HERC3: variants seen among roughly 807,000 people sequenced by gnomAD.
The protein encoded by HERC3 is HECT and RLD domain containing E3 ubiquitin protein ligase 3, also known as probable E3 ubiquitin-protein ligase HERC3.
HERC3 carries 58 observed loss-of-function variants against 129.9 expected under a neutral mutation model. The observed-to-expected ratio is 0.45, with a 90% CI of 0.36 to 0.56. The LOEUF is 0.56. HERC3 is among the 20% of genes least tolerant of loss of function. The probability of loss-of-function intolerance (pLI) is 0.00; values close to 1 mark genes in which losing one functional copy is unlikely to be tolerated. For missense variants in HERC3, 835 were observed against 1,244.2 expected (o/e 0.67, Z 4.95); for synonymous variants, 430 against 451.0 (o/e 0.95, Z 0.59).
intron 23 of HERC3, chr4:88,690,657 A>G: frequency 2.1e-6 from 2 of 973,748 alleles, no homozygotes; most frequent in Non-Finnish European, 2.4e-6. Context: ...TCTGCAATTG[A>G]GGCAGTGGCC....
At chr4:88,588,658 C>T (rs974183191), upstream of HERC3, among the ~76,000 whole-genome samples, 5 of 152,156 alleles carry the variant, frequency 3.3e-5, no homozygotes, top group African/African-American at 1.2e-4. Context: ...CTATCTCTTT[C>T]AAAGTTTACC....
intron 3 of HERC3, among the ~76,000 whole-genome samples, chr4:88,647,294 A>G (rs1370377486): frequency 6.6e-6 from 1 of 152,174 alleles, no homozygotes; most frequent in Non-Finnish European, 1.5e-5. Context: ...GGGGAAAATT[A>G]TTAGTGTTGT....
chr4:88,680,256 A>G lies in HERC3; in HGVS notation c.2340+20A>G. ...GACACGGTAAGTAAGTGGTGTCACAATTAAACAGATGGATTAAATTAAACT... is the reference window on the plus strand; with the variant it reads ...GACACGGTAAGTAAGTGGTGTCACAGTTAAACAGATGGATTAAATTAAACT... On this transcript the variant is annotated intron_variant, in intron 20 of 25. Coordinates refer to ENST00000402738, the MANE Select transcript of HERC3 (RefSeq NM_014606.3). 6.4e-7 allele frequency: 1 copy of G among 1,562,184 alleles called. No homozygotes were observed. The highest frequency in any genetic ancestry group is 8.7e-7 in the Non-Finnish European group (1 of 1,154,800).
intron 20 of HERC3, 32 bp downstream of exon 20, chr4:88,680,268 GATTAA>G: frequency 6.6e-7 from 1 of 1,522,940 alleles, no homozygotes; most frequent in Non-Finnish European, 8.8e-7. Flanking sequence ...TAAACAGATG[GATTAA>G]ATTAAACTTT....
chr4:88,581,465 A>AT, the HERC3 span, among the ~76,000 whole-genome samples: 38,163 of 145,180 alleles, frequency 0.26, 9,052 homozygotes, highest in African/African-American at 0.63. Flanking sequence ...GCCTGGCTAA[A>AT]TTTTTTTTTT....
At chr4:88,606,253 C>CTTTT (rs558927566) in intron 3 of HERC3, among the ~76,000 whole-genome samples, 2 of 135,362 alleles carry the variant, frequency 1.5e-5, no homozygotes, top group African/African-American at 2.7e-5. Context: ...CTTTTCTTTT[C>CTTTT]TTTTTTTTTT....
intron 3 of HERC3, among the ~76,000 whole-genome samples, chr4:88,610,855 A>C (rs934160784): frequency 6.6e-6 from 1 of 152,230 alleles, no homozygotes; most frequent in African/African-American, 2.4e-5. Context: ...TGCAGCTCCA[A>C]GGAGCTAATG....
intron 12 of HERC3, among the ~76,000 whole-genome samples, chr4:88,664,469 ATGG>A (rs1730835556): frequency 6.6e-6 from 1 of 152,160 alleles, no homozygotes; most frequent in African/African-American, 2.4e-5. Flanking sequence ...CTTCTCTTTG[ATGG>A]TGGTTGGCCT....
At chr4:88,524,752 TTAGTTCATC>T in the HERC3 span, 3 of 152,204 alleles carry the variant, frequency 2.0e-5, no homozygotes, top group Non-Finnish European at 4.4e-5. Context: ...ATTTTTATTT[TTAGTTCATC>T]TAGTTTTTCC....
At position 88,706,708 on chromosome 4, in the gene HERC3, T is replaced by C. The variant is rs1464314191; in HGVS notation, c.2945-44T>C. On this transcript the variant is annotated intron_variant, in intron 25 of 25. Transcript: ENST00000402738. ...TGCCAGAAGGATCTCTGAGATCCAT[T>C]TTCCGTTTGCTTAGCTGCTAATGCC... The C allele has an allele frequency of 6.5e-6, 10 of 1,535,988 alleles. No individual in the cohort carries two copies. The Admixed American group carries it at 1.7e-4, about 26-fold the overall frequency.
chr4:88,685,578 C>G (rs966078265), intron 21 of HERC3, among the ~76,000 whole-genome samples: 7 of 152,132 alleles, frequency 4.6e-5, no homozygotes, highest in Non-Finnish European at 7.3e-5. Flanking sequence ...AGGGGAACAT[C>G]ACACACTGGG....
At position 88,631,311 on chromosome 4, in the gene HERC3, C is replaced by T. The variant is rs572972819; in HGVS notation, c.227-18529C>T. Among the ~76,000 whole-genome samples, 5 of 152,152 alleles carry T rather than the reference C, an allele frequency of 3.3e-5. No homozygotes were observed. In the East Asian group the frequency reaches 9.7e-4, roughly 29 times the overall value. ...CTGTACTAAAAATGCAAAAATTAGC[C>T]AGGCGTTGTGGTGTGTGCCTGTAGT... On this transcript the variant is annotated intron_variant, in intron 3 of 25. Transcript: ENST00000402738.
At chr4:88,661,528 C>G (rs1414505978) in intron 10 of HERC3, among the ~76,000 whole-genome samples, 3 of 152,160 alleles carry the variant, frequency 2.0e-5, no homozygotes, top group Admixed American at 2.0e-4. Context: ...TTACCTTTTT[C>G]CTCTTCACTG....
chr4:88,567,848 T>C, the HERC3 span, among the ~76,000 whole-genome samples: 1 of 152,210 alleles, frequency 6.6e-6, no homozygotes, highest in African/African-American at 2.4e-5. Context: ...GTCTTGATAC[T>C]TGTTGATGTT....
chr4:88,524,181 A>G, the HERC3 span, among the ~76,000 whole-genome samples: 1 of 152,220 alleles, frequency 6.6e-6, no homozygotes, highest in South Asian at 2.1e-4. Flanking sequence ...CATCTTTACT[A>G]TACCATTAGT....
chr4:88,656,199 T>A, intron 9 of HERC3, 164 bp downstream of exon 9: 1 of 661,442 alleles, frequency 1.5e-6, no homozygotes, highest in Non-Finnish European at 2.5e-6. Flanking sequence ...CATGAAGCTG[T>A]AGAGTTGAGA....
At chr4:88,686,928 T>A in intron 22 of HERC3, 126 bp downstream of exon 22, 1 of 754,446 alleles carries the variant, frequency 1.3e-6, no homozygotes, top group Admixed American at 2.2e-5. Flanking sequence ...TCAAATTATT[T>A]TAGTCATAGT....
chr4:88,590,538 G>T (rs1055425939), upstream of HERC3, among the ~76,000 whole-genome samples: 1 of 152,020 alleles, frequency 6.6e-6, no homozygotes, highest in Non-Finnish European at 1.5e-5. Context: ...CAGCCTGGGC[G>T]ACAGAGCGAG....
chr4:88,687,074 C>G (rs3737487), intron 22 of HERC3, 143 bp from the exon 23 acceptor site: 1 of 669,286 alleles, frequency 1.5e-6, no homozygotes, highest in Non-Finnish European at 2.5e-6. Flanking sequence ...TTTTCTGACT[C>G]AAGTTCTGAT....
Sources: gnomAD v4.1 joint callset for allele counts (sites outside exome capture counted in the v4.1 genomes callset) on GRCh38, gnomAD v4.1.1 for gene constraint, MANE v1.5 for transcripts, NCBI Gene and HGNC (gene_info 2026-07-23, HGNC 2026-07-21) for gene names.